Variants in RBFOX1 observed in about 807,000 individuals in gnomAD.
RBFOX1 encodes the protein RNA binding protein fox-1 homolog 1.
In RBFOX1, 8 loss-of-function variants were observed where a neutral mutation model predicts 57.7. The ratio of observed to expected loss-of-function variants is 0.14; its 90% CI spans 0.08 to 0.25. The LOEUF (loss-of-function observed/expected upper bound fraction) is 0.25. Among genes scored for constraint, RBFOX1 ranks in the 10% least tolerant of loss-of-function variants. The pLI, the probability that RBFOX1 is intolerant of heterozygous loss-of-function variation, is 1.00. For missense variants in RBFOX1, 611 were observed against 548.5 expected (o/e 1.11, Z -1.14); for synonymous variants, 326 against 222.4 (o/e 1.47, Z -4.15).
intron 1 of RBFOX1, among the ~76,000 whole-genome samples, chr16:6,229,542 A>G (rs1035701259): frequency 6.6e-6 from 1 of 152,222 alleles, no homozygotes; most frequent in African/African-American, 2.4e-5. Context: ...AGCCGCTCAT[A>G]AAAAGAGATA....
At chr16:7,386,619 C>G (rs2097887537) in intron 4 of RBFOX1, among the ~76,000 whole-genome samples, 1 of 152,030 alleles carries the variant, frequency 6.6e-6, no homozygotes, top group Admixed American at 6.6e-5. Context: ...TTTATTCAGT[C>G]TTTATCATTG....
intron 2 of RBFOX1, among the ~76,000 whole-genome samples, chr16:6,494,129 A>G (rs1041070196): frequency 6.6e-6 from 1 of 152,206 alleles, no homozygotes; most frequent in African/African-American, 2.4e-5. Context: ...TCTCTTGTAC[A>G]CTATTCTCTA....
chr16:5,368,652 A>C (rs1567399778), intron 1 of RBFOX1, among the ~76,000 whole-genome samples: 1 of 152,234 alleles, frequency 6.6e-6, no homozygotes, highest in Non-Finnish European at 1.5e-5. Flanking sequence ...TTAAGAATCA[A>C]AAGCTCAAAG....
intron 4 of RBFOX1, among the ~76,000 whole-genome samples, chr16:5,962,411 A>G (rs1282646202): frequency 6.6e-6 from 1 of 152,152 alleles, no homozygotes; most frequent in Non-Finnish European, 1.5e-5. Flanking sequence ...CTTTATCTCT[A>G]AGATTACATC....
chr16:5,505,464 A>G (rs1309552850), intron 2 of RBFOX1, among the ~76,000 whole-genome samples: 1 of 152,146 alleles, frequency 6.6e-6, no homozygotes, highest in East Asian at 1.9e-4. Context: ...TGTCTGAGCA[A>G]CATTTGCAGC....
At chr16:6,490,866 A>T (rs1380764987) in intron 2 of RBFOX1, among the ~76,000 whole-genome samples, 1 of 152,222 alleles carries the variant, frequency 6.6e-6, no homozygotes, top group African/African-American at 2.4e-5. Context: ...AACTGTCAAA[A>T]GACTGATGTT....
At chr16:7,503,543 G>C (rs948213308) in intron 4 of RBFOX1, among the ~76,000 whole-genome samples, 1 of 152,154 alleles carries the variant, frequency 6.6e-6, no homozygotes, top group African/African-American at 2.4e-5. Context: ...ATTAGCAATG[G>C]CACAAGTCAT....
At chr16:6,193,112 G>T (rs775829259) in intron 1 of RBFOX1, among the ~76,000 whole-genome samples, 6 of 151,858 alleles carry the variant, frequency 4.0e-5, no homozygotes, top group Non-Finnish European at 8.8e-5. Context: ...AATACATTTA[G>T]TGATTTCAAT....
At chr16:6,840,229 C>G (rs1008503572) in intron 3 of RBFOX1, among the ~76,000 whole-genome samples, 2 of 152,236 alleles carry the variant, frequency 1.3e-5, no homozygotes, top group African/African-American at 2.4e-5. Context: ...GTCTTTCTTT[C>G]TTTAAAGCTT....
chr16:7,031,121 C>T lies in RBFOX1; in HGVS notation c.-15-20936C>T, dbSNP rs185734523. Among the ~76,000 whole-genome samples, 188 of 152,278 alleles carry T rather than the reference C, an allele frequency of 1.2e-3. 2 individuals carry two copies. Among genetic ancestry groups the T allele is most frequent in the Middle Eastern group, 6.8e-3 (2 of 294 alleles). On this transcript the variant is annotated intron_variant, in intron 3 of 15. Coordinates refer to ENST00000550418, the MANE Select transcript of RBFOX1 (RefSeq NM_018723.4). ...GACTGTAGACTGGGTGGAGAGGAAG[C>T]AACTGCAGGTATGCTGCAGGATAGT...
intron 3 of RBFOX1, among the ~76,000 whole-genome samples, chr16:6,745,489 C>A (rs1434895257): frequency 6.6e-6 from 1 of 152,036 alleles, no homozygotes; most frequent in African/African-American, 2.4e-5. Flanking sequence ...TGAAAAGATG[C>A]CTTAACATTT....
intron 4 of RBFOX1, among the ~76,000 whole-genome samples, chr16:7,281,580 A>G (rs908577015): frequency 1.3e-5 from 2 of 152,106 alleles, no homozygotes; most frequent in Non-Finnish European, 2.9e-5. Flanking sequence ...TCTGGGCACA[A>G]TATCTGGTGT....
At chr16:5,670,733 C>T (rs1386918890) in intron 3 of RBFOX1, among the ~76,000 whole-genome samples, 1 of 152,216 alleles carries the variant, frequency 6.6e-6, no homozygotes, top group Non-Finnish European at 1.5e-5. Context: ...TTGAGTCTCT[C>T]ATATGTGCCT....
intron 4 of RBFOX1, among the ~76,000 whole-genome samples, chr16:7,423,500 C>T (rs2098566997): frequency 1.3e-5 from 2 of 152,014 alleles, no homozygotes; most frequent in Admixed American, 1.3e-4. Context: ...TTTGGGGTAG[C>T]TTGTGAGGGG....
intron 4 of RBFOX1, among the ~76,000 whole-genome samples, chr16:7,312,799 A>T (rs1414342336): frequency 6.6e-6 from 1 of 152,188 alleles, no homozygotes; most frequent in Non-Finnish European, 1.5e-5. Flanking sequence ...TTATTCTGTG[A>T]TGCCAGAGAC....
At chr16:7,210,490 T>G (rs377006000) in intron 4 of RBFOX1, among the ~76,000 whole-genome samples, 1 of 152,194 alleles carries the variant, frequency 6.6e-6, no homozygotes, top group African/African-American at 2.4e-5. Context: ...CAATGTTAGG[T>G]GTTATTCATA....
At chr16:5,545,142 A>G (rs2045138073) in intron 2 of RBFOX1, among the ~76,000 whole-genome samples, 2 of 151,702 alleles carry the variant, frequency 1.3e-5, no homozygotes, top group Admixed American at 1.3e-4. Context: ...ATGCCTGGCT[A>G]ATTTTGGTAT....
chr16:5,923,274 A>T (rs1186986210), intron 4 of RBFOX1, among the ~76,000 whole-genome samples: 2 of 152,196 alleles, frequency 1.3e-5, no homozygotes, highest in African/African-American at 4.8e-5. Context: ...AAGAGAGGAG[A>T]AGAAGAATGC....
At chr16:5,820,601 G>T (rs982503199) in intron 3 of RBFOX1, among the ~76,000 whole-genome samples, 2 of 152,142 alleles carry the variant, frequency 1.3e-5, no homozygotes, top group Non-Finnish European at 2.9e-5. Flanking sequence ...TTGTCAGAGG[G>T]CACCTGAAAA....
Sources: gnomAD v4.1 joint callset for allele counts (sites outside exome capture counted in the v4.1 genomes callset) on GRCh38, gnomAD v4.1.1 for gene constraint, MANE v1.5 for transcripts, NCBI Gene and HGNC (gene_info 2026-07-23, HGNC 2026-07-21) for gene names.